The following IL1RAPL1 variants were observed in gnomAD, a reference collection of about 807,000 sequenced individuals.
IL1RAPL1 encodes interleukin 1 receptor accessory protein like 1.
Under a neutral mutation model 48.4 loss-of-function variants are expected in IL1RAPL1, and 3 were observed. That is an observed-to-expected ratio of 0.06 (90% CI 0.03 to 0.16). The LOEUF is 0.16. Among genes scored for constraint, IL1RAPL1 ranks in the 10% least tolerant of loss-of-function variants. The probability of loss-of-function intolerance (pLI) is 1.00; values close to 1 mark genes in which losing one functional copy is unlikely to be tolerated. For synonymous variants in IL1RAPL1, 185 were observed against 187.7 expected, an observed-to-expected ratio of 0.99 and a Z score of 0.12; for missense variants, 349 against 530.6, an observed-to-expected ratio of 0.66 and a Z score of 3.36.
chrX:29,470,521 T>G (rs1488531474), intron 5 of IL1RAPL1, among the ~76,000 whole-genome samples: 1 of 111,916 alleles, frequency 8.9e-6, no homozygotes, highest in African/African-American at 3.2e-5. Flanking sequence ...TCTCATACCC[T>G]TCATAACCAA....
At chrX:28,641,176 T>C (rs1381314032) in intron 1 of IL1RAPL1, among the ~76,000 whole-genome samples, 3 of 110,014 alleles carry the variant, frequency 2.7e-5, no homozygotes, top group African/African-American at 1.0e-4. Flanking sequence ...CAACCTGTCA[T>C]CTACATTAGG....
At chrX:29,179,502 C>A (rs1326421281) in intron 2 of IL1RAPL1, among the ~76,000 whole-genome samples, 1 of 110,983 alleles carries the variant, frequency 9.0e-6, no homozygotes, top group East Asian at 2.8e-4. Context: ...ATAGCTGGAG[C>A]TATGTTACCT....
chrX:29,247,797 ATAAAT>A (rs1386654684), intron 2 of IL1RAPL1, among the ~76,000 whole-genome samples: 1 of 111,601 alleles, frequency 9.0e-6, no homozygotes, highest in Non-Finnish European at 1.9e-5. Flanking sequence ...TAAATAATTA[ATAAAT>A]TAATTAAAGT....
chrX:29,546,176 C>A (rs1047528155), intron 5 of IL1RAPL1, among the ~76,000 whole-genome samples: 1 of 111,751 alleles, frequency 8.9e-6, no homozygotes, highest in African/African-American at 3.2e-5. Flanking sequence ...GTATCTAGAC[C>A]AATAGAATTT....
At chrX:29,107,713 C>G (rs768560518) in intron 2 of IL1RAPL1, among the ~76,000 whole-genome samples, 1 of 112,023 alleles carries the variant, frequency 8.9e-6, no homozygotes, top group Non-Finnish European at 1.9e-5. Context: ...CAGACTTACT[C>G]AAGAGACTTT....
At chrX:29,464,416 A>C (rs1934839279) in intron 5 of IL1RAPL1, among the ~76,000 whole-genome samples, 1 of 111,864 alleles carries the variant, frequency 8.9e-6, no homozygotes, top group African/African-American at 3.3e-5. Context: ...ATAAGACATA[A>C]AGTGTTATTT....
rs942360087 is a variant in IL1RAPL1, at chrX:29,061,530, C to G, written c.83-221408C>G. ...CTGGAGTGCAGTGGCACGATCTCAG[C>G]TCACTGCAACCTCCACCTCCTAGGT... On this transcript the variant is annotated intron_variant, in intron 2 of 10. Coordinates refer to ENST00000378993, the MANE Select transcript of IL1RAPL1 (RefSeq NM_014271.4). Among the ~76,000 whole-genome samples the G allele has an allele frequency of 6.2e-5, 7 of 112,152 alleles. No homozygotes were observed. In the East Asian group the frequency reaches 2.0e-3, roughly 32 times the overall value.
At chrX:29,777,347 C>A (rs1929222308) in intron 6 of IL1RAPL1, among the ~76,000 whole-genome samples, 1 of 111,892 alleles carries the variant, frequency 8.9e-6, no homozygotes, top group Non-Finnish European at 1.9e-5. Flanking sequence ...AAAGCAAGGG[C>A]AAAATGGTTT....
rs1197911822 is a variant in IL1RAPL1 at position 29,938,855 on chromosome X, T to C, written c.1058-2796T>C. 3.6e-5 allele frequency among the ~76,000 whole-genome samples: 4 copies of C among 112,567 alleles called. No individual in the cohort carries two copies. The East Asian group carries it at 8.3e-4, about 23-fold the overall frequency. On this transcript the variant is annotated intron_variant, in intron 8 of 10. Coordinates refer to ENST00000378993, the MANE Select transcript of IL1RAPL1 (RefSeq NM_014271.4). ...CATACAGTAGGTATTATTTCTTGTC[T>C]GGCTTCCTTTTTCTAACATAATTTT... is the stretch of plus-strand genomic sequence containing the variant.
intron 5 of IL1RAPL1, among the ~76,000 whole-genome samples, chrX:29,564,961 T>C (rs1922350541): frequency 9.0e-6 from 1 of 111,246 alleles, no homozygotes; most frequent in African/African-American, 3.3e-5. Context: ...CCTTGGCTCA[T>C]GGCCCCTTTT....
intron 2 of IL1RAPL1, among the ~76,000 whole-genome samples, chrX:28,880,962 T>C (rs1210283013): frequency 8.9e-6 from 1 of 111,832 alleles, no homozygotes. Flanking sequence ...AAAAATAATA[T>C]TTTTAATACA....
At chrX:29,302,379 A>T (rs1368037044) in intron 3 of IL1RAPL1, among the ~76,000 whole-genome samples, 1 of 112,058 alleles carries the variant, frequency 8.9e-6, no homozygotes, top group African/African-American at 3.2e-5. Flanking sequence ...GTGATGTGTA[A>T]TTCAGAATAA....
At chrX:28,975,203 G>A (rs1245624673) in intron 2 of IL1RAPL1, among the ~76,000 whole-genome samples, 1 of 111,681 alleles carries the variant, frequency 9.0e-6, no homozygotes, top group African/African-American at 3.3e-5. Context: ...GTGAATACTT[G>A]TTTCATACTT....
chrX:29,707,101 A>G (rs2147118584), intron 6 of IL1RAPL1, among the ~76,000 whole-genome samples: 1 of 111,489 alleles, frequency 9.0e-6, no homozygotes, highest in South Asian at 3.8e-4. Context: ...CGAGAAAAAA[A>G]TAATCCCATC....
At chrX:29,370,473 C>A (rs759806934) in intron 3 of IL1RAPL1, among the ~76,000 whole-genome samples, 17 of 106,173 alleles carry the variant, frequency 1.6e-4, no homozygotes, top group Non-Finnish European at 2.9e-4. Flanking sequence ...TTAGTCTGTT[C>A]TTTTTTTTTT....
chrX:29,333,409 A>T (rs1602176908), intron 3 of IL1RAPL1, among the ~76,000 whole-genome samples: 7 of 70,013 alleles, frequency 1.0e-4, no homozygotes, highest in African/African-American at 2.1e-4. Context: ...CGGGGGGCTG[A>T]CCCCCCCACC....
At chrX:29,475,245 T>G (rs1934960889) in intron 5 of IL1RAPL1, among the ~76,000 whole-genome samples, 1 of 112,127 alleles carries the variant, frequency 8.9e-6, no homozygotes, top group Admixed American at 9.5e-5. Context: ...ATTTGGGTGT[T>G]GATTTGGACT....
intron 2 of IL1RAPL1, among the ~76,000 whole-genome samples, chrX:28,831,026 C>CTCTG (rs1438889606): frequency 0.055 from 1,867 of 33,661 alleles, 235 homozygotes; most frequent in Non-Finnish European, 0.073. Flanking sequence ...CTCTCTCTCT[C>CTCTG]TGTGTGTGTG....
At chrX:29,605,139 G>A (rs1569125228) in intron 5 of IL1RAPL1, among the ~76,000 whole-genome samples, 2 of 108,144 alleles carry the variant, frequency 1.8e-5, no homozygotes, top group Non-Finnish European at 3.8e-5. Flanking sequence ...GAGGGAGGGA[G>A]GGAGGGAAGG....
Sources: gnomAD v4.1 joint callset for allele counts (sites outside exome capture counted in the v4.1 genomes callset) on GRCh38, gnomAD v4.1.1 for gene constraint, MANE v1.5 for transcripts, NCBI Gene and HGNC (gene_info 2026-07-23, HGNC 2026-07-21) for gene names.